XIAP: variants seen among roughly 807,000 people sequenced by gnomAD.
XIAP encodes X-linked inhibitor of apoptosis.
A neutral mutation model predicts 33.1 loss-of-function variants in XIAP; 3 were observed. The ratio of observed to expected loss-of-function variants is 0.09; its 90% CI spans 0.04 to 0.23. XIAP has a LOEUF of 0.23. Among genes scored for constraint, XIAP ranks in the 10% least tolerant of loss-of-function variants. The probability of loss-of-function intolerance (pLI) is 1.00; values close to 1 mark genes in which losing one functional copy is unlikely to be tolerated. For missense variants in XIAP, 264 were observed against 363.0 expected (o/e 0.73, Z 2.22); for synonymous variants, 98 against 121.3 (o/e 0.81, Z 1.26).
intron 1 of XIAP, among the ~76,000 whole-genome samples, chrX:123,876,494 A>G (rs1366964246): frequency 9.0e-6 from 1 of 111,180 alleles, no homozygotes; most frequent in Non-Finnish European, 1.9e-5. Context: ...GCTTGAGTCC[A>G]GGAATTCCAG....
At chrX:123,873,245 T>A (rs904274191) in intron 1 of XIAP, among the ~76,000 whole-genome samples, 3 of 109,731 alleles carry the variant, frequency 2.7e-5, no homozygotes, top group Non-Finnish European at 5.7e-5. Context: ...TTGGTCAGGC[T>A]GGTCTCGAAC....
At chrX:123,891,898 G>T (rs750792030) in intron 4 of XIAP, among the ~76,000 whole-genome samples, 3 of 106,594 alleles carry the variant, frequency 2.8e-5, no homozygotes, top group Non-Finnish European at 5.8e-5. Flanking sequence ...TTTGTCAAAA[G>T]ATAATCAGGA....
intron 3 of XIAP, among the ~76,000 whole-genome samples, chrX:123,890,834 A>G (rs2053401127): frequency 9.3e-6 from 1 of 107,110 alleles, no homozygotes; most frequent in Non-Finnish European, 1.9e-5. Context: ...CCAGCTACTC[A>G]GGAGGCTAAG....
chrX:123,887,526 G>A (rs994355392), intron 2 of XIAP, among the ~76,000 whole-genome samples: 4 of 112,399 alleles, frequency 3.6e-5, no homozygotes, highest in African/African-American at 1.3e-4. Flanking sequence ...CCATCATATA[G>A]TAATCTTGAA....
intron 1 of XIAP, among the ~76,000 whole-genome samples, chrX:123,882,115 A>G (rs1161651577): frequency 1.8e-5 from 2 of 111,739 alleles, no homozygotes; most frequent in Non-Finnish European, 3.8e-5. Flanking sequence ...GGCAATTCTC[A>G]TGTGTTTTGA....
chrX:123,882,348 T>C (rs781223097), intron 1 of XIAP, among the ~76,000 whole-genome samples: 2 of 111,791 alleles, frequency 1.8e-5, no homozygotes, highest in African/African-American at 3.2e-5. Flanking sequence ...CCTCAAGCTA[T>C]ATAAAATTTG....
rs767688765 is a variant in XIAP, at chrX:123,912,688, T to G, written c.*5507T>G. The G allele has an allele frequency of 1.3e-5, 2 of 149,877 alleles. No individual in the cohort carries two copies. Among genetic ancestry groups the G allele is most frequent in the Non-Finnish European group, 2.6e-5 (2 of 75,964 alleles). The allele number at this position is 149,877 out of a possible 1,213,427, so 12.4% of individuals were successfully genotyped here. ...TGCATACATTATATGCAAATACTGT[T>G]TTTTTTTTTTTTAATTTAAACAGTC... On this transcript the variant is annotated 3_prime_UTR_variant, in exon 7 of 7. Transcript: ENST00000371199.
At chrX:123,860,343 C>T (rs1337272698) in intron 1 of XIAP, 50 bp downstream of exon 1, 12 of 324,809 alleles carry the variant, frequency 3.7e-5, no homozygotes, top group Admixed American at 1.9e-4. Flanking sequence ...CCCTCCTTCC[C>T]CTCTCCTCCC....
rs1466191383 is a variant in XIAP at position 123,860,085 on chromosome X, C to T, written c.-241C>T. 9.1e-5 allele frequency: 30 copies of T among 328,281 alleles called. No individual in the cohort carries two copies. Among genetic ancestry groups the T allele is most frequent in the Non-Finnish European group, 1.6e-4 (27 of 169,689 alleles). The allele number at this position is 328,281 out of a possible 1,213,427, so 27.1% of individuals were successfully genotyped here. On this transcript the variant is annotated 5_prime_UTR_variant, in exon 1 of 7. The change creates a new upstream start codon in the 5' untranslated region. Transcript: ENST00000371199. ...TGACGTGGACACACTTCGGGTTTCACGACTCCGGGTTTCTCCAGGGGATGG... is the reference window on the plus strand; with the variant it reads ...TGACGTGGACACACTTCGGGTTTCATGACTCCGGGTTTCTCCAGGGGATGG...
chrX:123,891,566 C>T (rs917153592), intron 4 of XIAP, among the ~76,000 whole-genome samples: 5 of 110,803 alleles, frequency 4.5e-5, no homozygotes, highest in African/African-American at 1.6e-4. Context: ...CCTGTAATTC[C>T]AACATTTTGA....
intron 6 of XIAP, among the ~76,000 whole-genome samples, chrX:123,901,733 T>A (rs1310262042): frequency 1.8e-5 from 2 of 111,926 alleles, no homozygotes; most frequent in African/African-American, 6.5e-5. Context: ...AAGCTTCCAA[T>A]TTTTTCCTTA....
chrX:123,867,049 C>CCCA (rs35471589), intron 1 of XIAP, among the ~76,000 whole-genome samples: 4,370 of 54,888 alleles, frequency 0.08, 690 homozygotes, highest in African/African-American at 0.11. Context: ...CCCCCCCCCC[C>CCCA]TTCAACATTC....
At position 123,913,364 on chromosome X, in the gene XIAP, A is replaced by G. The variant is rs2053624226; in HGVS notation, c.*6183A>G. The G allele has an allele frequency of 3.1e-6, 1 of 325,528 alleles. No homozygotes were observed. The highest frequency in any genetic ancestry group is 3.1e-5 in the Admixed American group (1 of 31,762). The allele number at this position is 325,528 out of a possible 1,213,427, so 26.8% of individuals were successfully genotyped here. A position where few individuals can be genotyped will look rare whatever the true frequency, so the allele number is the denominator to read the frequency against. On this transcript the variant is annotated 3_prime_UTR_variant, in exon 7 of 7. Coordinates refer to ENST00000371199, the MANE Select transcript of XIAP (RefSeq NM_001167.4). ...GCATGCCTGTAGTCCCAGCTACTAG[A>G]GCGACTGAGGCAGGAGAATTGCTTG... is the stretch of plus-strand genomic sequence containing the variant.
intron 1 of XIAP, among the ~76,000 whole-genome samples, chrX:123,861,305 G>T (rs1396750128): frequency 3.6e-5 from 4 of 111,747 alleles, no homozygotes; most frequent in Admixed American, 2.9e-4. Context: ...CTCCAAGCAT[G>T]AAAATTAAAT....
intron 5 of XIAP, among the ~76,000 whole-genome samples, chrX:123,898,152 T>C (rs950998054): frequency 8.9e-6 from 1 of 111,765 alleles, no homozygotes; most frequent in Non-Finnish European, 1.9e-5. Context: ...AGCTCTTTGC[T>C]CTCTGTAATC....
intron 5 of XIAP, among the ~76,000 whole-genome samples, chrX:123,898,208 T>C (rs772907935): frequency 8.9e-6 from 1 of 112,324 alleles, no homozygotes; most frequent in African/African-American, 3.2e-5. Flanking sequence ...TCCACCTTTT[T>C]AATGTTGCTT....
intron 1 of XIAP, among the ~76,000 whole-genome samples, chrX:123,864,312 G>A (rs1328411472): frequency 4.5e-5 from 5 of 110,170 alleles, no homozygotes; most frequent in African/African-American, 1.6e-4. Flanking sequence ...TAATATTTAA[G>A]TCTGGTAGGT....
chrX:123,889,091 A>AT (rs34602221), intron 3 of XIAP, among the ~76,000 whole-genome samples: 13,877 of 68,810 alleles, frequency 0.2, 1,650 homozygotes, highest in Non-Finnish European at 0.26. Context: ...TGCCTGGCTA[A>AT]TTTTTTTTTT....
At position 123,912,576 on chromosome X, in the gene XIAP, A is replaced by G. The variant is rs1441546641; in HGVS notation, c.*5395A>G. On this transcript the variant is annotated 3_prime_UTR_variant, in exon 7 of 7. Transcript: ENST00000371199. ...CTTGAGTCTGGGAGGCAGAGGCTGCATTGAGCTATGATCATGGCACTGCAT... is the reference window on the plus strand; with the variant it reads ...CTTGAGTCTGGGAGGCAGAGGCTGCGTTGAGCTATGATCATGGCACTGCAT... 2 of 326,074 alleles carry G rather than the reference A, an allele frequency of 6.1e-6. No homozygotes were observed. Among genetic ancestry groups the G allele is most frequent in the Non-Finnish European group, 1.2e-5 (2 of 169,061 alleles). 26.9% of individuals were successfully genotyped at this position (326,074 alleles called of 1,213,427 possible). A position where few individuals can be genotyped will look rare whatever the true frequency, so the allele number is the denominator to read the frequency against.
Sources: allele counts gnomAD v4.1 joint callset (sites outside exome capture counted in the v4.1 genomes callset), GRCh38; gene constraint gnomAD v4.1.1; transcripts MANE v1.5; gene names NCBI Gene and HGNC (gene_info 2026-07-23, HGNC 2026-07-21).